The following FAM20A variants were observed in gnomAD, a reference collection of about 807,000 sequenced individuals.
FAM20A encodes pseudokinase FAM20A.
Under a neutral mutation model 52.0 loss-of-function variants are expected in FAM20A, and 42 were observed. The ratio of observed to expected loss-of-function variants is 0.81; its 90% CI spans 0.63 to 1.04. The LOEUF (loss-of-function observed/expected upper bound fraction) is 1.04, where lower values mean the gene tolerates loss of function less well. Ranked by LOEUF, FAM20A falls within the 50% of genes least tolerant of loss-of-function variation. The probability of loss-of-function intolerance (pLI) is 0.00; values close to 1 mark genes in which losing one functional copy is unlikely to be tolerated. For synonymous variants in FAM20A, 304 were observed against 298.9 expected (o/e 1.02, Z -0.18); for missense variants, 742 against 712.7 (o/e 1.04, Z -0.47).
At chr17:68,551,765 C>A (rs1418530095) in intron 4 of FAM20A, 108 bp downstream of exon 4, 4 of 700,612 alleles carry the variant, frequency 5.7e-6, no homozygotes, top group Non-Finnish European at 7.8e-6. Flanking sequence ...ATTAGAGAAT[C>A]TCTGAATAAC....
At chr17:68,553,825 CATAT>C (rs1313567337) in intron 3 of FAM20A, among the ~76,000 whole-genome samples, 2 of 149,388 alleles carry the variant, frequency 1.3e-5, no homozygotes, top group Non-Finnish European at 3.0e-5. Flanking sequence ...CACATTTATG[CATAT>C]ATACATAGAC....
intron 1 of FAM20A, among the ~76,000 whole-genome samples, chr17:68,569,303 C>T (rs997764631): frequency 2.0e-5 from 3 of 152,132 alleles, no homozygotes; most frequent in Admixed American, 1.3e-4. Flanking sequence ...CTGAATCTGT[C>T]CACCCCTCTT....
At chr17:68,596,221 A>ACACACACACACACC (rs537283388) in intron 1 of FAM20A, among the ~76,000 whole-genome samples, 8 of 151,278 alleles carry the variant, frequency 5.3e-5, no homozygotes, top group South Asian at 2.1e-4. Flanking sequence ...ACACACACAC[A>ACACACACACACACC]CCCCTAAGAA....
chr17:68,581,354 C>CTTTCTTTCTTTG (rs2087947176), intron 1 of FAM20A, among the ~76,000 whole-genome samples: 1 of 85,440 alleles, frequency 1.2e-5, no homozygotes, highest in African/African-American at 4.4e-5. Flanking sequence ...TGCAGTTTTT[C>CTTTCTTTCTTTG]TTTCTTTCTT....
At chr17:68,544,841 GAC>G (rs1343944461) in intron 4 of FAM20A, among the ~76,000 whole-genome samples, 1 of 152,156 alleles carries the variant, frequency 6.6e-6, no homozygotes, top group African/African-American at 2.4e-5. Context: ...TCATCTTTCA[GAC>G]ACCTTTTAGG....
chr17:68,594,169 T>A (rs1373893064), intron 1 of FAM20A, among the ~76,000 whole-genome samples: 4 of 152,186 alleles, frequency 2.6e-5, no homozygotes, highest in Admixed American at 2.0e-4. Context: ...CCCAGCACTT[T>A]GGGAGGCCGA....
Position 68,536,110 on chromosome 17 carries a change from C to CA in FAM20A, c.*1366dup. ...CAAAGTCCAGGGGCAGCATACCAGT[C>CA]ATGTGGGGGTACCACGGGGTCAGAA... On this transcript the variant is annotated 3_prime_UTR_variant, in exon 11 of 11. Coordinates refer to ENST00000592554, the MANE Select transcript of FAM20A (RefSeq NM_017565.4). 1 of 454,116 alleles carries CA rather than the reference C, an allele frequency of 2.2e-6. No homozygotes were observed. Among genetic ancestry groups the CA allele is most frequent in the South Asian group, 1.6e-5 (1 of 64,468 alleles). 28.1% of individuals were successfully genotyped at this position (454,116 alleles called of 1,614,324 possible). A position where few individuals can be genotyped will look rare whatever the true frequency, so the allele number is the denominator to read the frequency against.
In FAM20A at chr17:68,551,230, T is replaced by C. The variant is rs2086820404; in HGVS notation, c.719+643A>G. ...GCTCTGTCTAAGGACTCAATACATA[T>C]TATTTCACTCATCTCTATGTTTCAC... On this transcript the variant is annotated intron_variant, in intron 4 of 10. Coordinates refer to ENST00000592554, the MANE Select transcript of FAM20A (RefSeq NM_017565.4). 3.5e-6 allele frequency: 3 copies of C among 862,568 alleles called. No homozygotes were observed. The South Asian group carries it at 1.8e-4, about 51-fold the overall frequency. The allele number at this position is 862,568 out of a possible 1,614,324, so 53.4% of individuals were successfully genotyped here.
At chr17:68,566,476 A>G (rs1172148570) in intron 1 of FAM20A, among the ~76,000 whole-genome samples, 1 of 152,190 alleles carries the variant, frequency 6.6e-6, no homozygotes, top group African/African-American at 2.4e-5. Flanking sequence ...TTTATAATCC[A>G]AGACAAATAT....
intron 1 of FAM20A, among the ~76,000 whole-genome samples, chr17:68,596,027 A>G (rs905480103): frequency 1.3e-5 from 2 of 152,128 alleles, no homozygotes; most frequent in Admixed American, 1.3e-4. Context: ...TTCTCAAAGC[A>G]TCCCCCAGAA....
intron 1 of FAM20A, among the ~76,000 whole-genome samples, chr17:68,592,489 CA>C (rs1316370816): frequency 6.6e-6 from 1 of 152,184 alleles, no homozygotes; most frequent in African/African-American, 2.4e-5. Context: ...TTGGTATCAT[CA>C]AAAAGATTTA....
chr17:68,585,539 G>A (rs1050268711), intron 1 of FAM20A, among the ~76,000 whole-genome samples: 3 of 151,386 alleles, frequency 2.0e-5, no homozygotes, highest in African/African-American at 7.3e-5. Context: ...TTATTTTTCT[G>A]TACTGAATGA....
At chr17:68,541,071 G>T in intron 7 of FAM20A, 113 bp from the exon 8 acceptor site, 2 of 1,482,824 alleles carry the variant, frequency 1.3e-6, no homozygotes, top group Non-Finnish European at 1.8e-6. Context: ...CCTGCCCTGG[G>T]CTGGTGGCAG....
chr17:68,551,806 G>T, intron 4 of FAM20A, 67 bp downstream of exon 4: 1 of 1,175,322 alleles, frequency 8.5e-7, no homozygotes, highest in Non-Finnish European at 1.2e-6. Flanking sequence ...ACTTTTATTA[G>T]TTTTTGGTCC....
chr17:68,581,358 CTTTCTT>C (rs1020277025), intron 1 of FAM20A, among the ~76,000 whole-genome samples: 4 of 112,558 alleles, frequency 3.6e-5, no homozygotes, highest in African/African-American at 1.4e-4. Flanking sequence ...GTTTTTCTTT[CTTTCTT>C]TCTTTCTTTC....
chr17:68,568,116 G>A (rs1323569999), intron 1 of FAM20A, among the ~76,000 whole-genome samples: 1 of 151,856 alleles, frequency 6.6e-6, no homozygotes, highest in Non-Finnish European at 1.5e-5. Context: ...GAGAGAATAG[G>A]GGGAGTGTCT....
intron 1 of FAM20A, among the ~76,000 whole-genome samples, chr17:68,576,863 C>G (rs540748526): frequency 6.6e-6 from 1 of 152,322 alleles, no homozygotes; most frequent in African/African-American, 2.4e-5. Context: ...CCAGGCTGAG[C>G]TAGTTGCCTA....
At chr17:68,581,461 CCTTTCTTT>C (rs68182732) in intron 1 of FAM20A, among the ~76,000 whole-genome samples, 60,024 of 117,942 alleles carry the variant, frequency 0.51, 16,636 homozygotes, top group East Asian at 0.54. Flanking sequence ...TTCTTTCTTT[CCTTTCTTT>C]CTTTCTTTCT....
At chr17:68,572,758 T>A (rs1056578979) in intron 1 of FAM20A, among the ~76,000 whole-genome samples, 1 of 152,170 alleles carries the variant, frequency 6.6e-6, no homozygotes, top group Non-Finnish European at 1.5e-5. Flanking sequence ...TTATTTATTT[T>A]TGTTTTAAGA....
Sources: allele counts gnomAD v4.1 joint callset (sites outside exome capture counted in the v4.1 genomes callset), GRCh38; gene constraint gnomAD v4.1.1; transcripts MANE v1.5; gene names NCBI Gene and HGNC (gene_info 2026-07-23, HGNC 2026-07-21).